Variants in CLEC2A observed in about 807,000 individuals in gnomAD.
CLEC2A encodes the protein C-type lectin domain family 2 member A, also known as keratinocyte-associated C-type lectin.
A neutral mutation model predicts 18.6 loss-of-function variants in CLEC2A; 19 were observed. The ratio of observed to expected loss-of-function variants is 1.02; its 90% CI spans 0.71 to 1.50. CLEC2A has a LOEUF of 1.50. Among genes scored for constraint, CLEC2A ranks in the 40% most tolerant of loss-of-function variants. CLEC2A has a pLI of 0.00. For missense variants in CLEC2A, 190 were observed against 207.9 expected (o/e 0.91, Z 0.53); for synonymous variants, 74 against 64.0 (o/e 1.16, Z -0.75).
At chr12:9,881,646 A>G in the CLEC2A span, 36 of 1,535,342 alleles carry the variant, frequency 2.3e-5, no homozygotes, top group Admixed American at 1.2e-4. Flanking sequence ...ATCGTTGTAA[A>G]TCGAAGCAGA....
exon 5 of CLEC2A, chr12:9,898,715 A>G: frequency 2.1e-6 from 1 of 483,084 alleles, no homozygotes; most frequent in Non-Finnish European, 3.7e-6. Context: ...CAAAATTTAT[A>G]GCCTATTAAC....
chr12:9,898,887 A>C, exon 5 of CLEC2A: 1 of 712,918 alleles, frequency 1.4e-6, no homozygotes, highest in Non-Finnish European at 2.6e-6. Context: ...AACGGCAGTC[A>C]GAGCTCCCTC....
At chr12:9,881,719 A>T in the CLEC2A span, 15 of 1,222,000 alleles carry the variant, frequency 1.2e-5, no homozygotes, top group East Asian at 3.8e-4. Context: ...TCTTCTAGGA[A>T]GAGAATTATC....
chr12:9,895,506 GTGT>G (rs1862746723), downstream of CLEC2A, among the ~76,000 whole-genome samples: 1 of 152,228 alleles, frequency 6.6e-6, no homozygotes, highest in South Asian at 2.1e-4. Flanking sequence ...AGCTTGCATG[GTGT>G]TGTTACCAAG....
At chr12:9,921,361 G>A (rs186256366) in intron 3 of CLEC2A, among the ~76,000 whole-genome samples, 67 of 152,294 alleles carry the variant, frequency 4.4e-4, no homozygotes, top group African/African-American at 1.5e-3. Flanking sequence ...GGCTGAGGCA[G>A]TAGAATTGCT....
In CLEC2A at chr12:9,932,142, C is replaced by T. The variant is rs555329903; in HGVS notation, c.55+133G>A. ...TGCTCTAACAGGCTTCCACAATTCT[C>T]CGGAAGTGCTTCCCCATCCCTCACT... On this transcript the variant is annotated intron_variant, in intron 1 of 4. Transcript: ENST00000455827. 4 of 650,316 alleles carry T rather than the reference C, an allele frequency of 6.2e-6. No homozygotes were observed. In the African/African-American group the frequency reaches 7.2e-5, roughly 12 times the overall value. 40.3% of individuals were successfully genotyped at this position (650,316 alleles called of 1,614,324 possible).
rs552319128 is a variant in CLEC2A at position 9,901,172 on chromosome 12, G to C, written c.411-2196C>G. Among the ~76,000 whole-genome samples the C allele has an allele frequency of 2.0e-4, 30 of 152,272 alleles. 3 individuals carry two copies. The South Asian group carries it at 6.2e-3, about 32-fold the overall frequency. ...AGTTTATTTAGTTAACTCATGTTTT[G>C]CTTGACATTCGTGAACATTTCAGCT... On this transcript the variant is annotated intron_variant, in intron 4 of 4. Transcript: ENST00000339766.
chr12:9,910,505 A>G (rs183422423), downstream of CLEC2A, among the ~76,000 whole-genome samples: 50 of 152,106 alleles, frequency 3.3e-4, no homozygotes, highest in Non-Finnish European at 6.3e-4. Context: ...CTCCTACTAG[A>G]GATTTCTTGC....
exon 5 of CLEC2A, chr12:9,898,880 G>T (rs763444011): frequency 5.6e-6 from 4 of 711,054 alleles, no homozygotes; most frequent in Non-Finnish European, 1.0e-5. Flanking sequence ...TTGGGGAAAC[G>T]GCAGTCAGAG....
the CLEC2A span, among the ~76,000 whole-genome samples, chr12:9,890,960 T>G: frequency 1.3e-5 from 2 of 152,214 alleles, no homozygotes; most frequent in Admixed American, 1.3e-4. Flanking sequence ...TCATTTGATT[T>G]CTTAGAATTA....
At chr12:9,928,596 T>C (rs1029574557) in intron 1 of CLEC2A, among the ~76,000 whole-genome samples, 25 of 152,196 alleles carry the variant, frequency 1.6e-4, no homozygotes, top group Non-Finnish European at 3.1e-4. Context: ...AGTCACAATA[T>C]GTGTATGCAA....
chr12:9,906,462 G>A (rs1043164860), intron 4 of CLEC2A, among the ~76,000 whole-genome samples: 1 of 152,186 alleles, frequency 6.6e-6, no homozygotes, highest in Non-Finnish European at 1.5e-5. Context: ...AGAGTATTTA[G>A]TACTTGGGTG....
chr12:9,905,255 G>A (rs1034913058), intron 4 of CLEC2A, among the ~76,000 whole-genome samples: 33 of 152,206 alleles, frequency 2.2e-4, no homozygotes, highest in South Asian at 6.2e-4. Context: ...TCAGCTGTGC[G>A]GTGCTTTCTA....
At chr12:9,922,382 C>T (rs946459756) in intron 2 of CLEC2A, 150 bp from the exon 3 acceptor site, 7 of 550,158 alleles carry the variant, frequency 1.3e-5, no homozygotes, top group Non-Finnish European at 2.1e-5. Flanking sequence ...AATTAACTTC[C>T]CCTGTCTGTA....
downstream of CLEC2A, among the ~76,000 whole-genome samples, chr12:9,898,444 A>T (rs1407476457): frequency 6.6e-6 from 1 of 152,066 alleles, no homozygotes; most frequent in Non-Finnish European, 1.5e-5. Flanking sequence ...GTAAACCCCA[A>T]TTTTAGTTTG....
downstream of CLEC2A, among the ~76,000 whole-genome samples, chr12:9,909,251 C>A (rs1862946975): frequency 6.6e-6 from 1 of 152,084 alleles, no homozygotes; most frequent in Non-Finnish European, 1.5e-5. Flanking sequence ...TTCTTGAGTT[C>A]TTTTTATCAT....
At chr12:9,907,800 G>A (rs1297004642) in intron 4 of CLEC2A, among the ~76,000 whole-genome samples, 1 of 152,198 alleles carries the variant, frequency 6.6e-6, no homozygotes, top group Non-Finnish European at 1.5e-5. Context: ...TTTCTGTCCA[G>A]AATAAGGATC....
At chr12:9,884,762 A>G in the CLEC2A span, among the ~76,000 whole-genome samples, 1 of 151,550 alleles carries the variant, frequency 6.6e-6, no homozygotes, top group South Asian at 2.1e-4. Context: ...GTTTAATAAT[A>G]GTAGTATCTC....
chr12:9,882,118 CA>C, the CLEC2A span, among the ~76,000 whole-genome samples: 1 of 151,374 alleles, frequency 6.6e-6, no homozygotes. Context: ...GAAAAAAAAA[CA>C]AAAAAACATT....
Sources: gnomAD v4.1 joint callset for allele counts (sites outside exome capture counted in the v4.1 genomes callset) on GRCh38, gnomAD v4.1.1 for gene constraint, MANE v1.5 for transcripts, NCBI Gene and HGNC (gene_info 2026-07-23, HGNC 2026-07-21) for gene names.